Variants in PIK3C2G observed in about 807,000 individuals in gnomAD.
PIK3C2G encodes phosphatidylinositol 3-kinase C2 domain-containing subunit gamma.
Under a neutral mutation model 181.1 loss-of-function variants are expected in PIK3C2G, and 168 were observed. That is an observed-to-expected ratio of 0.93 (90% CI 0.82 to 1.05). PIK3C2G has a LOEUF of 1.05. PIK3C2G is among the 50% of genes least tolerant of loss of function. The pLI, the probability that PIK3C2G is intolerant of heterozygous loss-of-function variation, is 0.00. For synonymous variants in PIK3C2G, 573 were observed against 592.2 expected (o/e 0.97, Z 0.47); for missense variants, 1,869 against 1,732.8 (o/e 1.08, Z -1.40).
chr12:18,293,831 G>A (rs1591849551), intron 4 of PIK3C2G, 70 bp from the exon 5 acceptor site: 3 of 720,562 alleles, frequency 4.2e-6, no homozygotes, highest in Non-Finnish European at 5.0e-6. Context: ...CATATTTTGT[G>A]CTCAAAAACT....
intron 18 of PIK3C2G, among the ~76,000 whole-genome samples, chr12:18,472,379 TA>T (rs1938541024): frequency 6.6e-6 from 1 of 152,196 alleles, no homozygotes; most frequent in South Asian, 2.1e-4. Flanking sequence ...ATCAGCTACC[TA>T]AAAGTCCTGT....
chr12:18,375,779 T>C (rs1049498474), intron 13 of PIK3C2G, among the ~76,000 whole-genome samples: 3 of 152,346 alleles, frequency 2.0e-5, no homozygotes, highest in African/African-American at 7.2e-5. Flanking sequence ...GCCCAGGGGC[T>C]TGCTGCCCTG....
chr12:18,500,016 G>A (rs547280411), intron 22 of PIK3C2G, among the ~76,000 whole-genome samples: 79 of 152,356 alleles, frequency 5.2e-4, no homozygotes, highest in Middle Eastern at 3.4e-3. Flanking sequence ...CGCTCTCGGC[G>A]CCTCCTCTGC....
intron 24 of PIK3C2G, among the ~76,000 whole-genome samples, chr12:18,515,312 C>A (rs2136157490): frequency 6.6e-6 from 1 of 151,930 alleles, no homozygotes; most frequent in South Asian, 2.1e-4. Context: ...TGTATTAGTT[C>A]TTTTTCAAAT....
the PIK3C2G span, among the ~76,000 whole-genome samples, chr12:18,697,221 T>C: frequency 6.6e-6 from 1 of 152,108 alleles, no homozygotes; most frequent in Non-Finnish European, 1.5e-5. Context: ...CCAACTAGAA[T>C]AGAATCACCT....
At chr12:18,662,852 A>C in the PIK3C2G span, among the ~76,000 whole-genome samples, 1 of 152,108 alleles carries the variant, frequency 6.6e-6, no homozygotes, top group Admixed American at 6.6e-5. Context: ...ACATAGAATA[A>C]AAACCAAAGG....
the PIK3C2G span, among the ~76,000 whole-genome samples, chr12:18,704,289 A>C: frequency 6.6e-6 from 1 of 152,170 alleles, no homozygotes; most frequent in African/African-American, 2.4e-5. Context: ...GCAAGGAGAC[A>C]AGAAAATGAA....
chr12:18,714,284 C>T, the PIK3C2G span, among the ~76,000 whole-genome samples: 2 of 152,156 alleles, frequency 1.3e-5, no homozygotes, highest in Admixed American at 6.5e-5. Context: ...CCTGGCCTGA[C>T]ATGGAGCTAA....
At chr12:18,256,462 T>C (rs910060296) in intron 1 of PIK3C2G, among the ~76,000 whole-genome samples, 1 of 152,168 alleles carries the variant, frequency 6.6e-6, no homozygotes, top group Non-Finnish European at 1.5e-5. Flanking sequence ...AATATTAGTT[T>C]AGGCAGGAAA....
At chr12:18,724,749 G>A in the PIK3C2G span, among the ~76,000 whole-genome samples, 2 of 151,970 alleles carry the variant, frequency 1.3e-5, no homozygotes, top group African/African-American at 2.4e-5. Flanking sequence ...TTTCATTTTA[G>A]CCTTATCTCA....
intron 29 of PIK3C2G, among the ~76,000 whole-genome samples, chr12:18,572,382 A>G (rs1945997731): frequency 6.7e-6 from 1 of 148,200 alleles, no homozygotes; most frequent in Admixed American, 6.8e-5. Flanking sequence ...GCTATATATA[A>G]TATATAATAA....
intron 18 of PIK3C2G, among the ~76,000 whole-genome samples, chr12:18,482,060 T>C (rs767450904): frequency 2.0e-5 from 3 of 152,172 alleles, no homozygotes; most frequent in Non-Finnish European, 2.9e-5. Flanking sequence ...TTTCATCGTA[T>C]ATACTTTTGG....
chr12:18,598,151 T>G (rs1333420442), intron 30 of PIK3C2G, among the ~76,000 whole-genome samples: 1 of 152,074 alleles, frequency 6.6e-6, no homozygotes, highest in Non-Finnish European at 1.5e-5. Flanking sequence ...ACAACTACTT[T>G]AAAGTTCATA....
Position 18,328,489 on chromosome 12 carries a change from T to C in PIK3C2G, c.1272+3391T>C, listed in dbSNP as rs191373093. 7.0e-4 allele frequency among the ~76,000 whole-genome samples: 106 copies of C among 152,148 alleles called. 1 individual carries two copies. The highest frequency in any genetic ancestry group is 1.6e-4 in the Non-Finnish European group (11 of 67,874). On this transcript the variant is annotated intron_variant, in intron 8 of 32. Coordinates refer to ENST00000538779, the MANE Select transcript of PIK3C2G (RefSeq NM_001288772.2). The stretch of plus-strand genomic sequence containing the variant: ...TCTTGGTTACAAGCAAATCTATTGT[T>C]AGACTTTCAGAAGTTCCAATTTCAA...
At position 18,399,665 on chromosome 12, in the gene PIK3C2G, T is replaced by G. The variant is rs1035778448; in HGVS notation, c.2133T>G (p.Ser711=). 2 of 1,550,012 alleles carry G rather than the reference T, an allele frequency of 1.3e-6. No homozygotes were observed. Among genetic ancestry groups the G allele is most frequent in the African/African-American group, 1.4e-5 (1 of 73,694 alleles). Residue 711 remains serine, a synonymous_variant, in exon 16 of 33, where the codon TCT becomes TCG. Transcript: ENST00000538779. The part of the protein sequence containing the change: ...LSQKQTPLLL[S]EEKKRYLWFY... ...TTCCAATCTGGTTTTTCAGACTCTC[T>G]GAAGAAAAGAAAAGATATTTATGGT...
At chr12:18,580,764 A>G (rs964502120) in intron 29 of PIK3C2G, among the ~76,000 whole-genome samples, 5 of 152,242 alleles carry the variant, frequency 3.3e-5, no homozygotes, top group African/African-American at 1.2e-4. Flanking sequence ...AAAAAAAGCA[A>G]TAAAATAAAA....
Position 18,538,266 on chromosome 12 carries a change from ATAT to A in PIK3C2G, c.3438_3440del (p.Ile1147del), listed in dbSNP as rs769707541. On this transcript the variant is annotated inframe_deletion, in exon 25 of 33. Transcript: ENST00000538779. ...GTGGAACTTTGCTGTCGTGCTTATAATATTATCAGAAAGCACAGCCAACTGCTC... is the reference window on the plus strand; with the variant it reads ...GTGGAACTTTGCTGTCGTGCTTATAATATCAGAAAGCACAGCCAACTGCTC... 6.2e-7 allele frequency: 1 copy of A among 1,612,028 alleles called. No homozygotes were observed. Among genetic ancestry groups the A allele is most frequent in the South Asian group, 1.1e-5 (1 of 90,854 alleles).
At chr12:18,303,694 C>T (rs1950305240) in intron 5 of PIK3C2G, among the ~76,000 whole-genome samples, 2 of 152,110 alleles carry the variant, frequency 1.3e-5, no homozygotes, top group African/African-American at 4.8e-5. Context: ...AAAAATAATT[C>T]TTATTAGCTT....
At chr12:18,393,614 T>C (rs904308122) in intron 15 of PIK3C2G, among the ~76,000 whole-genome samples, 2 of 152,142 alleles carry the variant, frequency 1.3e-5, no homozygotes, top group Non-Finnish European at 2.9e-5. Flanking sequence ...ATATATGTTC[T>C]AAAATAGATT....
Sources: gnomAD v4.1 joint callset for allele counts (sites outside exome capture counted in the v4.1 genomes callset) on GRCh38, gnomAD v4.1.1 for gene constraint, MANE v1.5 for transcripts, NCBI Gene and HGNC (gene_info 2026-07-23, HGNC 2026-07-21) for gene names.